Variants in EYS observed in about 807,000 individuals in gnomAD.
EYS encodes the protein EGF-like photoreceptor maintenance factor, also known as protein eyes shut homolog.
A neutral mutation model predicts 282.1 loss-of-function variants in EYS; 250 were observed. The observed-to-expected ratio is 0.89, with a 90% CI of 0.80 to 0.98. The LOEUF is 0.98. Ranked by LOEUF, EYS falls within the 50% of genes least tolerant of loss-of-function variation. The pLI is 0.00. For synonymous variants in EYS, 1,355 were observed against 1,282.9 expected, an observed-to-expected ratio of 1.06 and a Z score of -1.20; for missense variants, 4,016 against 3,709.0, an observed-to-expected ratio of 1.08 and a Z score of -2.15.
rs183004985 is a variant in EYS, at chr6:63,756,821, T to C, written c.8071+5640A>G. ...TACTGCAATCTCTGAACATAAATTA[T>C]GAAGGTTTCATGGACATTTATCAGT... On this transcript the variant is annotated intron_variant, in intron 41 of 42. Transcript: ENST00000503581. 1.7e-3 allele frequency among the ~76,000 whole-genome samples: 253 copies of C among 152,328 alleles called. 1 individual carries two copies. The highest frequency in any genetic ancestry group is 1.1e-3 in the Non-Finnish European group (75 of 68,026).
chr6:64,390,013 G>C (rs202055044), intron 28 of EYS, among the ~76,000 whole-genome samples: 100,091 of 145,982 alleles, frequency 0.69, 34,388 homozygotes, highest in Non-Finnish European at 0.71. Context: ...AGGGGTGATG[G>C]ATGGCACCTG....
chr6:65,571,758 G>A (rs1764484177), intron 2 of EYS, among the ~76,000 whole-genome samples: 1 of 151,844 alleles, frequency 6.6e-6, no homozygotes. Context: ...TATATAGAAA[G>A]CTTTTATAAA....
At chr6:64,801,262 T>C (rs9345520) in intron 22 of EYS, among the ~76,000 whole-genome samples, 62,647 of 151,926 alleles carry the variant, frequency 0.41, 15,401 homozygotes, top group Admixed American at 0.59. Context: ...AGCACTAAAA[T>C]TGATTTAACG....
At chr6:65,277,472 G>T (rs986404441) in intron 12 of EYS, among the ~76,000 whole-genome samples, 1 of 150,502 alleles carries the variant, frequency 6.6e-6, no homozygotes. Flanking sequence ...AAGCGCCCCG[G>T]AAAACTTTTT....
At chr6:64,429,797 A>G (rs1774521896) in intron 28 of EYS, among the ~76,000 whole-genome samples, 1 of 152,194 alleles carries the variant, frequency 6.6e-6, no homozygotes, top group South Asian at 2.1e-4. Flanking sequence ...AAAGGAAGAG[A>G]AAAATAGGTT....
intron 22 of EYS, among the ~76,000 whole-genome samples, chr6:64,730,354 T>G (rs1242856222): frequency 6.6e-6 from 1 of 152,218 alleles, no homozygotes; most frequent in Non-Finnish European, 1.5e-5. Flanking sequence ...CACCTAGATA[T>G]GTTGAAATGA....
intron 26 of EYS, among the ~76,000 whole-genome samples, chr6:64,461,498 T>G (rs1221371544): frequency 6.6e-6 from 1 of 152,164 alleles, no homozygotes; most frequent in Non-Finnish European, 1.5e-5. Flanking sequence ...GGGGTTTATA[T>G]ATGGTAACAG....
At chr6:65,377,383 A>G (rs917113633) in intron 8 of EYS, among the ~76,000 whole-genome samples, 3 of 152,348 alleles carry the variant, frequency 2.0e-5, no homozygotes, top group African/African-American at 7.2e-5. Flanking sequence ...CACTATTTAC[A>G]GGGAAATTTA....
intron 12 of EYS, among the ~76,000 whole-genome samples, chr6:65,113,769 C>T (rs879468392): frequency 6.6e-6 from 1 of 151,990 alleles, no homozygotes; most frequent in Non-Finnish European, 1.5e-5. Flanking sequence ...TTTCCTATGA[C>T]TAATTTTTTC....
intron 19 of EYS, among the ~76,000 whole-genome samples, chr6:64,860,161 G>T (rs780945803): frequency 2.0e-5 from 3 of 152,012 alleles, no homozygotes; most frequent in Non-Finnish European, 2.9e-5. Flanking sequence ...GAAAAATATT[G>T]ATTGCTCTAG....
chr6:65,562,189 T>C (rs928668325), intron 2 of EYS, among the ~76,000 whole-genome samples: 2 of 152,130 alleles, frequency 1.3e-5, no homozygotes, highest in East Asian at 1.9e-4. Flanking sequence ...AAGAGGCAAT[T>C]TGACATTTTA....
At chr6:64,554,373 T>C (rs1443650086) in intron 26 of EYS, among the ~76,000 whole-genome samples, 4 of 152,058 alleles carry the variant, frequency 2.6e-5, no homozygotes, top group African/African-American at 9.7e-5. Flanking sequence ...ATGTGTCTCC[T>C]GGGGTGAAGA....
chr6:65,182,523 T>C (rs912012539), intron 12 of EYS, among the ~76,000 whole-genome samples: 2 of 151,818 alleles, frequency 1.3e-5, no homozygotes, highest in African/African-American at 4.8e-5. Flanking sequence ...CTGCATTTAG[T>C]GCATTTTCAT....
intron 22 of EYS, among the ~76,000 whole-genome samples, chr6:64,747,280 A>G (rs772451464): frequency 3.3e-5 from 5 of 152,128 alleles, no homozygotes; most frequent in Non-Finnish European, 5.9e-5. Context: ...TCCAATGCTT[A>G]TTTGAAATCT....
At chr6:65,325,315 A>C (rs1339230926) in intron 11 of EYS, among the ~76,000 whole-genome samples, 1 of 152,080 alleles carries the variant, frequency 6.6e-6, no homozygotes, top group Non-Finnish European at 1.5e-5. Context: ...AATCAATAAT[A>C]ATATTTTAAA....
At chr6:63,779,395 A>G (rs946273691) in intron 39 of EYS, 2 of 151,394 alleles carry the variant, frequency 1.3e-5, no homozygotes, top group African/African-American at 4.9e-5. Context: ...CAGAGCTTGA[A>G]GTGAGCTGAG....
chr6:64,246,017 T>G, intron 30 of EYS, among the ~76,000 whole-genome samples: 1 of 15,350 alleles, frequency 6.5e-5, no homozygotes, highest in Non-Finnish European at 1.0e-4. Flanking sequence ...AAACTCCGTC[T>G]CAAAAAAAAA....
chr6:63,781,514 G>A (rs1234115304), intron 39 of EYS, among the ~76,000 whole-genome samples: 1 of 151,980 alleles, frequency 6.6e-6, no homozygotes, highest in Non-Finnish European at 1.5e-5. Context: ...TGAAGCAATT[G>A]TGAATGGGAG....
At chr6:65,265,797 C>T (rs1368200133) in intron 12 of EYS, among the ~76,000 whole-genome samples, 1 of 151,830 alleles carries the variant, frequency 6.6e-6, no homozygotes, top group African/African-American at 2.4e-5. Context: ...TCAGAAAATG[C>T]TCTTATTTTT....
Sources: allele counts gnomAD v4.1 joint callset (sites outside exome capture counted in the v4.1 genomes callset), GRCh38; gene constraint gnomAD v4.1.1; transcripts MANE v1.5; gene names NCBI Gene and HGNC (gene_info 2026-07-23, HGNC 2026-07-21).